Variants in ARHGAP26 observed in about 807,000 individuals in gnomAD.
ARHGAP26 encodes the protein Rho GTPase activating protein 26, also known as rho GTPase-activating protein 26.
ARHGAP26 carries 38 observed loss-of-function variants against 104.8 expected under a neutral mutation model. The ratio of observed to expected loss-of-function variants is 0.36; its 90% CI spans 0.28 to 0.48. The LOEUF (loss-of-function observed/expected upper bound fraction) is 0.48, where lower values mean the gene tolerates loss of function less well. Ranked by LOEUF, ARHGAP26 falls within the 20% of genes least tolerant of loss-of-function variation. ARHGAP26 has a pLI of 0.99. For missense variants in ARHGAP26, 704 were observed against 947.9 expected (o/e 0.74, Z 3.38); for synonymous variants, 341 against 340.0 (o/e 1.00, Z -0.03).
chr5:142,826,080 C>G (rs1208862763), intron 1 of ARHGAP26, among the ~76,000 whole-genome samples: 1 of 152,218 alleles, frequency 6.6e-6, no homozygotes, highest in Admixed American at 6.5e-5. Context: ...GAACATCTTT[C>G]TGTCTCACGA....
intron 1 of ARHGAP26, among the ~76,000 whole-genome samples, chr5:142,792,058 C>T (rs1376235759): frequency 1.3e-5 from 2 of 150,870 alleles, no homozygotes; most frequent in Admixed American, 6.6e-5. Context: ...AGTCATTTTT[C>T]ACTTTCCTTT....
intron 12 of ARHGAP26, among the ~76,000 whole-genome samples, chr5:143,018,059 C>T (rs1779831582): frequency 6.6e-6 from 1 of 152,182 alleles, no homozygotes; most frequent in Non-Finnish European, 1.5e-5. Flanking sequence ...AATGATAGTT[C>T]ATTGTTGTTT....
At chr5:143,140,298 C>T (rs559019715) in intron 19 of ARHGAP26, among the ~76,000 whole-genome samples, 1 of 152,284 alleles carries the variant, frequency 6.6e-6, no homozygotes, top group South Asian at 2.1e-4. Context: ...AGCACCCTGG[C>T]ATGGTGGTTG....
At chr5:143,026,827 T>C (rs1028640093) in intron 12 of ARHGAP26, among the ~76,000 whole-genome samples, 2 of 151,280 alleles carry the variant, frequency 1.3e-5, no homozygotes, top group African/African-American at 2.4e-5. Context: ...GGGGGCAAAA[T>C]TGAAGCAGCT....
At chr5:143,202,930 A>C (rs960684883) in intron 20 of ARHGAP26, 3 of 152,234 alleles carry the variant, frequency 2.0e-5, no homozygotes, top group Admixed American at 2.0e-4. Flanking sequence ...TTAGCTCAAG[A>C]TGGATTAAAG....
In ARHGAP26 at chr5:142,772,436, A is replaced by G. The variant is rs529544254; in HGVS notation, c.154+1521A>G. 3.3e-5 allele frequency among the ~76,000 whole-genome samples: 5 copies of G among 152,032 alleles called. No homozygotes were observed. The East Asian group carries it at 9.7e-4, about 29-fold the overall frequency. Reference sequence around the variant, plus strand: ...GGTTGGGCCCAGGAATTTTGATTGAACCTCAGGCTGGCTTTAGTGAGTTCT... The same window carrying G: ...GGTTGGGCCCAGGAATTTTGATTGAGCCTCAGGCTGGCTTTAGTGAGTTCT... On this transcript the variant is annotated intron_variant, in intron 1 of 22. Transcript: ENST00000645722.
intron 1 of ARHGAP26, among the ~76,000 whole-genome samples, chr5:142,794,874 T>A (rs115816201): frequency 6.6e-6 from 1 of 152,234 alleles, no homozygotes; most frequent in Non-Finnish European, 1.5e-5. Context: ...TTTCTCTTTA[T>A]GATATTTACA....
At chr5:143,204,563 A>G (rs1808269308) in intron 20 of ARHGAP26, among the ~76,000 whole-genome samples, 1 of 152,214 alleles carries the variant, frequency 6.6e-6, no homozygotes, top group African/African-American at 2.4e-5. Flanking sequence ...GGTAATTGAC[A>G]TGGGGATTGA....
intron 1 of ARHGAP26, among the ~76,000 whole-genome samples, chr5:142,804,641 G>A (rs1333833045): frequency 6.6e-6 from 1 of 152,030 alleles, no homozygotes; most frequent in Admixed American, 6.6e-5. Flanking sequence ...ACAGGCATGT[G>A]CCACCACACC....
In ARHGAP26 at chr5:142,824,757, T is replaced by C. The variant is rs1267920045; in HGVS notation, c.155-48643T>C. 2.6e-5 allele frequency among the ~76,000 whole-genome samples: 4 copies of C among 152,218 alleles called. No individual in the cohort carries two copies. The East Asian group carries it at 7.7e-4, about 29-fold the overall frequency. The stretch of plus-strand genomic sequence containing the variant: ...GAATGAGAGATCCAAACACAATGCA[T>C]TGACAATGATAGGATTTCCTAGGAA... On this transcript the variant is annotated intron_variant, in intron 1 of 22. Transcript: ENST00000645722.
chr5:143,039,348 C>T (rs1156786054), intron 13 of ARHGAP26, among the ~76,000 whole-genome samples: 2 of 143,558 alleles, frequency 1.4e-5, no homozygotes, highest in African/African-American at 5.4e-5. Context: ...ACTGGCATTA[C>T]AGGCGCCTGC....
chr5:143,148,148 C>T (rs1799381163), intron 20 of ARHGAP26, among the ~76,000 whole-genome samples: 1 of 152,144 alleles, frequency 6.6e-6, no homozygotes, highest in Non-Finnish European at 1.5e-5. Flanking sequence ...TCTCAGGCTA[C>T]AGTTATGTAA....
chr5:142,775,937 A>G (rs1195822789), intron 1 of ARHGAP26, among the ~76,000 whole-genome samples: 2 of 152,166 alleles, frequency 1.3e-5, no homozygotes, highest in Admixed American at 6.5e-5. Flanking sequence ...GTTTCCCTTC[A>G]GTATGATCAC....
intron 17 of ARHGAP26, among the ~76,000 whole-genome samples, chr5:143,063,276 T>C (rs1215901915): frequency 1.3e-5 from 2 of 152,222 alleles, no homozygotes; most frequent in African/African-American, 4.8e-5. Flanking sequence ...AGTACTCCTG[T>C]AGTCCAAGCT....
chr5:143,227,665 G>A lies in ARHGAP26; in HGVS notation c.*5219G>A. 1 of 228,380 alleles carries A rather than the reference G, an allele frequency of 4.4e-6. No homozygotes were observed. Among genetic ancestry groups the A allele is most frequent in the Non-Finnish European group, 8.7e-6 (1 of 115,140 alleles). 14.1% of individuals were successfully genotyped at this position (228,380 alleles called of 1,614,324 possible). ...AGAGCTTCCCAAAGTGGAGGGAAAGGCCATAGAATCCAGGTGTCATTCAGA... is the reference window on the plus strand; with the variant it reads ...AGAGCTTCCCAAAGTGGAGGGAAAGACCATAGAATCCAGGTGTCATTCAGA... On this transcript the variant is annotated 3_prime_UTR_variant, in exon 23 of 23. Coordinates refer to ENST00000645722, the MANE Select transcript of ARHGAP26 (RefSeq NM_001135608.3).
At chr5:143,080,047 C>A (rs1789577951) in intron 17 of ARHGAP26, among the ~76,000 whole-genome samples, 1 of 152,310 alleles carries the variant, frequency 6.6e-6, no homozygotes, top group East Asian at 1.9e-4. Flanking sequence ...AACACAAGTT[C>A]AGATGGCCAT....
intron 11 of ARHGAP26, among the ~76,000 whole-genome samples, chr5:142,934,966 C>G (rs1765212027): frequency 6.6e-6 from 1 of 151,988 alleles, no homozygotes; most frequent in Admixed American, 6.5e-5. Flanking sequence ...ACAGTCATAT[C>G]CTAGTCTAAA....
chr5:142,854,349 T>C (rs1389691880), intron 1 of ARHGAP26, among the ~76,000 whole-genome samples: 2 of 152,234 alleles, frequency 1.3e-5, no homozygotes, highest in African/African-American at 4.8e-5. Context: ...ATCTGCAGTT[T>C]TACATTCTTG....
intron 18 of ARHGAP26, among the ~76,000 whole-genome samples, chr5:143,129,551 C>A (rs909435139): frequency 2.0e-5 from 3 of 152,178 alleles, no homozygotes; most frequent in African/African-American, 7.2e-5. Context: ...GCTTAAGACC[C>A]AGACAGTCAA....
Sources: gnomAD v4.1 joint callset for allele counts (sites outside exome capture counted in the v4.1 genomes callset) on GRCh38, gnomAD v4.1.1 for gene constraint, MANE v1.5 for transcripts, NCBI Gene and HGNC (gene_info 2026-07-23, HGNC 2026-07-21) for gene names.